Variants in KCNMB2 observed in about 807,000 individuals in gnomAD.
The protein encoded by KCNMB2 is calcium-activated potassium channel subunit beta-2.
KCNMB2 carries 9 observed loss-of-function variants against 24.5 expected under a neutral mutation model. The observed-to-expected ratio is 0.37, with a 90% CI of 0.22 to 0.64. The LOEUF is 0.64. Among genes scored for constraint, KCNMB2 ranks in the 30% least tolerant of loss-of-function variants. The probability of loss-of-function intolerance (pLI) is 0.63; values close to 1 mark genes in which losing one functional copy is unlikely to be tolerated. For synonymous variants in KCNMB2, 109 were observed against 104.4 expected (o/e 1.04, Z -0.27); for missense variants, 226 against 284.3 (o/e 0.79, Z 1.47).
At chr3:178,770,065 A>G in intron 1 of KCNMB2, among the ~76,000 whole-genome samples, 1 of 152,218 alleles carries the variant, frequency 6.6e-6, no homozygotes, top group East Asian at 1.9e-4. Flanking sequence ...ATATTGAACT[A>G]TCCTATGCAA....
intron 4 of KCNMB2, among the ~76,000 whole-genome samples, chr3:178,838,764 C>T (rs531685145): frequency 2.0e-5 from 3 of 152,266 alleles, no homozygotes; most frequent in African/African-American, 4.8e-5. Flanking sequence ...AAAGTTCACC[C>T]GCTTCCTTAT....
intron 1 of KCNMB2, among the ~76,000 whole-genome samples, chr3:178,562,914 T>C (rs980170004): frequency 2.6e-5 from 4 of 152,152 alleles, no homozygotes; most frequent in African/African-American, 7.2e-5. Flanking sequence ...AGCAGAAAGA[T>C]AGTCAAATTC....
At chr3:178,753,373 G>C (rs1376737893) in intron 1 of KCNMB2, among the ~76,000 whole-genome samples, 2 of 152,136 alleles carry the variant, frequency 1.3e-5, no homozygotes, top group Non-Finnish European at 2.9e-5. Flanking sequence ...CACTGACTGT[G>C]TGACCTTGAG....
chr3:178,714,812 C>A (rs1025422704), intron 1 of KCNMB2, among the ~76,000 whole-genome samples: 1 of 147,544 alleles, frequency 6.8e-6, no homozygotes, highest in Non-Finnish European at 1.5e-5. Flanking sequence ...TGAGGCTGGG[C>A]CCACTTTCTT....
intron 1 of KCNMB2, among the ~76,000 whole-genome samples, chr3:178,589,679 CTG>C (rs1424141988): frequency 6.6e-6 from 1 of 152,130 alleles, no homozygotes; most frequent in Non-Finnish European, 1.5e-5. Flanking sequence ...CAGGCCCTTG[CTG>C]TGTTGCCTAC....
intron 1 of KCNMB2, among the ~76,000 whole-genome samples, chr3:178,749,966 T>C (rs1723790159): frequency 6.6e-6 from 1 of 152,192 alleles, no homozygotes; most frequent in African/African-American, 2.4e-5. Flanking sequence ...CAGAGGCTCT[T>C]TCCCATGGGC....
At chr3:178,541,773 T>C (rs1453341880) in intron 1 of KCNMB2, among the ~76,000 whole-genome samples, 2 of 152,162 alleles carry the variant, frequency 1.3e-5, no homozygotes, top group African/African-American at 4.8e-5. Context: ...GAGTTCTAAA[T>C]TTCTTTTCAA....
At chr3:178,562,937 CT>C (rs952237042) in intron 1 of KCNMB2, among the ~76,000 whole-genome samples, 1 of 152,164 alleles carries the variant, frequency 6.6e-6, no homozygotes, top group Non-Finnish European at 1.5e-5. Context: ...TTTGTTTTTA[CT>C]TTTGGATGTA....
chr3:178,624,613 T>A (rs540738521), intron 1 of KCNMB2, among the ~76,000 whole-genome samples: 2,298 of 148,414 alleles, frequency 0.015, 38 homozygotes, highest in African/African-American at 0.049. Context: ...TTTTTTTTTT[T>A]AAAAAAGGCA....
At chr3:178,761,452 T>C (rs1416986055) in intron 1 of KCNMB2, among the ~76,000 whole-genome samples, 1 of 152,232 alleles carries the variant, frequency 6.6e-6, no homozygotes, top group East Asian at 1.9e-4. Flanking sequence ...AACACTTCCT[T>C]ACAGTCTATC....
intron 4 of KCNMB2, among the ~76,000 whole-genome samples, chr3:178,837,381 G>C (rs1715272509): frequency 6.6e-6 from 1 of 152,144 alleles, no homozygotes; most frequent in Admixed American, 6.6e-5. Context: ...AATTGATTCT[G>C]AGAGGCCACA....
chr3:178,783,356 G>A (rs1712953491), intron 1 of KCNMB2, among the ~76,000 whole-genome samples: 3 of 148,878 alleles, frequency 2.0e-5, no homozygotes, highest in South Asian at 4.4e-4. Context: ...GATGGGGATG[G>A]CATTGAATCT....
chr3:178,819,779 T>C (rs1369414988), intron 2 of KCNMB2, among the ~76,000 whole-genome samples: 1 of 152,166 alleles, frequency 6.6e-6, no homozygotes, highest in Non-Finnish European at 1.5e-5. Flanking sequence ...AATTCTAAAA[T>C]ATTAGCAAAA....
chr3:178,586,508 A>G (rs1024316461), intron 1 of KCNMB2, among the ~76,000 whole-genome samples: 2 of 149,828 alleles, frequency 1.3e-5, no homozygotes, highest in African/African-American at 4.9e-5. Flanking sequence ...GGTGGGGAGA[A>G]AGCAATTTTC....
intron 1 of KCNMB2, among the ~76,000 whole-genome samples, chr3:178,727,290 T>G (rs570923796): frequency 1.6e-3 from 239 of 152,214 alleles, no homozygotes; most frequent in African/African-American, 5.6e-3. Context: ...ACCTGAATAA[T>G]TTTAGTTTCG....
At chr3:178,589,795 G>A (rs1717593766) in intron 1 of KCNMB2, among the ~76,000 whole-genome samples, 1 of 152,160 alleles carries the variant, frequency 6.6e-6, no homozygotes, top group Non-Finnish European at 1.5e-5. Flanking sequence ...GAAGGGTAGT[G>A]ACCTGTCCTA....
chr3:178,743,585 G>A (rs148780646), intron 1 of KCNMB2, among the ~76,000 whole-genome samples: 129 of 152,320 alleles, frequency 8.5e-4, no homozygotes, highest in African/African-American at 2.8e-3. Flanking sequence ...CCTGGTTACT[G>A]TAATTCCCTA....
intron 1 of KCNMB2, among the ~76,000 whole-genome samples, chr3:178,640,392 G>A (rs1377359063): frequency 6.6e-6 from 1 of 152,128 alleles, no homozygotes; most frequent in East Asian, 1.9e-4. Context: ...AAAGGGTGAA[G>A]TGCTACACAC....
intron 1 of KCNMB2, among the ~76,000 whole-genome samples, chr3:178,717,037 C>A (rs952667339): frequency 1.7e-4 from 25 of 146,710 alleles, no homozygotes; most frequent in Non-Finnish European, 3.4e-4. Context: ...TATGTCTGGG[C>A]AAATTTCAGC....
Sources: allele counts gnomAD v4.1 joint callset (sites outside exome capture counted in the v4.1 genomes callset), GRCh38; gene constraint gnomAD v4.1.1; transcripts MANE v1.5; gene names NCBI Gene and HGNC (gene_info 2026-07-23, HGNC 2026-07-21).